HPSE2: variants seen among roughly 807,000 people sequenced by gnomAD.
HPSE2 encodes the protein inactive heparanase-2.
Under a neutral mutation model 60.5 loss-of-function variants are expected in HPSE2, and 38 were observed. That is an observed-to-expected ratio of 0.63 (90% CI 0.48 to 0.82). The LOEUF is 0.82. Among genes scored for constraint, HPSE2 ranks in the 40% least tolerant of loss-of-function variants. The probability of loss-of-function intolerance (pLI) is 0.00; values close to 1 mark genes in which losing one functional copy is unlikely to be tolerated. For missense variants in HPSE2, 713 were observed against 740.4 expected (o/e 0.96, Z 0.43); for synonymous variants, 295 against 293.2 (o/e 1.01, Z -0.06).
intron 3 of HPSE2, among the ~76,000 whole-genome samples, chr10:99,061,544 A>G (rs1412994385): frequency 1.3e-5 from 2 of 152,354 alleles, no homozygotes; most frequent in East Asian, 3.9e-4. Context: ...TTATGGCTTT[A>G]AGTAACATTT....
At chr10:99,012,337 C>A (rs1435768443) in intron 3 of HPSE2, among the ~76,000 whole-genome samples, 1 of 152,086 alleles carries the variant, frequency 6.6e-6, no homozygotes, top group Non-Finnish European at 1.5e-5. Context: ...AGCCAAGAAT[C>A]TGATCGCTAT....
intron 3 of HPSE2, among the ~76,000 whole-genome samples, chr10:98,912,307 A>G (rs966768300): frequency 1.3e-5 from 2 of 152,202 alleles, no homozygotes; most frequent in Admixed American, 1.3e-4. Flanking sequence ...ATCTTCCAGC[A>G]ATGTCATTTG....
intron 3 of HPSE2, among the ~76,000 whole-genome samples, chr10:98,818,987 A>G (rs1314624677): frequency 1.3e-5 from 2 of 152,232 alleles, no homozygotes; most frequent in African/African-American, 4.8e-5. Flanking sequence ...CAGCTTCACC[A>G]TCTTTCTATC....
intron 6 of HPSE2, among the ~76,000 whole-genome samples, chr10:98,644,925 C>T (rs574933424): frequency 1.3e-4 from 19 of 151,960 alleles, no homozygotes; most frequent in Non-Finnish European, 2.2e-4. Context: ...TGGATTGGAG[C>T]GGGAGGAGAT....
chr10:98,818,856 A>T (rs1241801231), intron 3 of HPSE2, among the ~76,000 whole-genome samples: 4 of 152,214 alleles, frequency 2.6e-5, no homozygotes. Context: ...AATTCTAAAT[A>T]GGTTCACCTT....
intron 3 of HPSE2, among the ~76,000 whole-genome samples, chr10:98,945,094 C>A (rs763797023): frequency 6.6e-6 from 1 of 152,112 alleles, no homozygotes; most frequent in Non-Finnish European, 1.5e-5. Context: ...TAAGCCTTTG[C>A]AAATTGCTTT....
At chr10:98,743,757 T>C (rs1237069714) in intron 4 of HPSE2, 126 bp downstream of exon 4, 2 of 841,918 alleles carry the variant, frequency 2.4e-6, no homozygotes, top group Non-Finnish European at 4.1e-6. Context: ...GTCAACTCAG[T>C]GGCCAAACAT....
intron 3 of HPSE2, among the ~76,000 whole-genome samples, chr10:98,767,932 TTA>T (rs1207859623): frequency 1.3e-5 from 2 of 148,880 alleles, no homozygotes; most frequent in Non-Finnish European, 3.0e-5. Context: ...TGATACATAT[TTA>T]TATATGGCAT....
At chr10:99,008,918 C>G (rs893783501) in intron 3 of HPSE2, among the ~76,000 whole-genome samples, 1 of 152,072 alleles carries the variant, frequency 6.6e-6, no homozygotes, top group Non-Finnish European at 1.5e-5. Context: ...CTAAAAACAT[C>G]CATTATTGTA....
chr10:98,764,980 A>G (rs370979172), intron 3 of HPSE2, among the ~76,000 whole-genome samples: 17 of 152,330 alleles, frequency 1.1e-4, no homozygotes, highest in African/African-American at 4.1e-4. Context: ...TTCACAAACA[A>G]AATATAACAA....
At chr10:99,110,786 T>C (rs1259725522) in intron 3 of HPSE2, among the ~76,000 whole-genome samples, 2 of 152,172 alleles carry the variant, frequency 1.3e-5, no homozygotes, top group Admixed American at 6.5e-5. Context: ...CCTGCCTTTG[T>C]TGTTTTATCA....
intron 3 of HPSE2, among the ~76,000 whole-genome samples, chr10:99,058,024 G>A (rs1400406956): frequency 6.6e-6 from 1 of 152,180 alleles, no homozygotes; most frequent in East Asian, 1.9e-4. Context: ...TTAGCTCATG[G>A]AGGGGAATGA....
At chr10:99,118,523 CAAAA>C (rs34901531) in intron 3 of HPSE2, among the ~76,000 whole-genome samples, 1 of 102,296 alleles carries the variant, frequency 9.8e-6, no homozygotes, top group Non-Finnish European at 1.8e-5. Context: ...ACTCCTTCTC[CAAAA>C]AAAAAAAAAA....
At chr10:98,713,814 G>A (rs939086317) in intron 5 of HPSE2, among the ~76,000 whole-genome samples, 2 of 151,872 alleles carry the variant, frequency 1.3e-5, no homozygotes, top group Non-Finnish European at 2.9e-5. Context: ...CTAACCAAGA[G>A]TCAAGCAAAT....
chr10:98,957,313 A>C (rs1696992400), intron 3 of HPSE2, among the ~76,000 whole-genome samples: 1 of 152,130 alleles, frequency 6.6e-6, no homozygotes, highest in South Asian at 2.1e-4. Context: ...AGTCCCTATT[A>C]AATGTTTCTT....
chr10:99,242,576 A>C, the HPSE2 span, among the ~76,000 whole-genome samples: 1 of 152,200 alleles, frequency 6.6e-6, no homozygotes, highest in Admixed American at 6.5e-5. Context: ...CTCATGTCTT[A>C]GTTACACCCA....
chr10:99,222,005 G>T (rs1044307002), intron 2 of HPSE2, among the ~76,000 whole-genome samples: 2 of 152,140 alleles, frequency 1.3e-5, no homozygotes. Flanking sequence ...CTACAGAACA[G>T]GTGTGAGGTG....
chr10:98,603,437 T>TTG (rs1032038721), intron 9 of HPSE2, among the ~76,000 whole-genome samples: 1 of 32,952 alleles, frequency 3.0e-5, no homozygotes, highest in African/African-American at 5.2e-5. Context: ...CTCTGTTTTT[T>TTG]TGTTTTTTTT....
chr10:99,060,684 A>G (rs996704287), intron 3 of HPSE2, among the ~76,000 whole-genome samples: 5 of 126,264 alleles, frequency 4.0e-5, no homozygotes, highest in African/African-American at 1.1e-4. Context: ...AAAAAAAAAA[A>G]GGTGAGCAAT....
Sources: allele counts gnomAD v4.1 joint callset (sites outside exome capture counted in the v4.1 genomes callset), GRCh38; gene constraint gnomAD v4.1.1; transcripts MANE v1.5; gene names NCBI Gene and HGNC (gene_info 2026-07-23, HGNC 2026-07-21).